PRP4K: variants seen among roughly 807,000 people sequenced by gnomAD.
PRP4K encodes pre-mRNA processing factor kinase PRP4K.
At chr6:4,044,545 T>A in the PRP4K span, among the ~76,000 whole-genome samples, 17 of 152,194 alleles carry the variant, frequency 1.1e-4, no homozygotes, top group Non-Finnish European at 4.4e-5. Context: ...TCATTTGGTG[T>A]CATTATGTGC....
At chr6:4,041,014 A>AGGTGG in the PRP4K span, 4 of 1,325,394 alleles carry the variant, frequency 3.0e-6, no homozygotes, top group Non-Finnish European at 4.1e-6. Context: ...TATCCACCTA[A>AGGTGG]ATATTATAAG....
chr6:4,031,824 T>A, the PRP4K span: 1 of 1,614,038 alleles, frequency 6.2e-7, no homozygotes, highest in Non-Finnish European at 8.5e-7. Context: ...ACTTGATGAT[T>A]TAGCTTTGCT....
chr6:4,032,336 T>C, the PRP4K span: 3 of 1,613,602 alleles, frequency 1.9e-6, no homozygotes, highest in African/African-American at 4.0e-5. Context: ...AATCAAAAGA[T>C]AGGAAAAAAT....
At chr6:4,047,901 TACACAC>T in the PRP4K span, among the ~76,000 whole-genome samples, 9,235 of 141,902 alleles carry the variant, frequency 0.065, 303 homozygotes, top group South Asian at 0.09. Flanking sequence ...CATGTATATG[TACACAC>T]ACACACACAC....
At chr6:4,039,155 T>G in the PRP4K span, among the ~76,000 whole-genome samples, 3 of 152,242 alleles carry the variant, frequency 2.0e-5, no homozygotes, top group Non-Finnish European at 4.4e-5. Flanking sequence ...CTCACACAGC[T>G]GGATCCTTCA....
At chr6:4,047,939 CACACACAG>C in the PRP4K span, among the ~76,000 whole-genome samples, 2 of 141,396 alleles carry the variant, frequency 1.4e-5, no homozygotes, top group South Asian at 2.2e-4. Context: ...CACACACACA[CACACACAG>C]AGCAATAGGA....
At chr6:4,040,343 C>T in the PRP4K span, among the ~76,000 whole-genome samples, 4 of 152,140 alleles carry the variant, frequency 2.6e-5, no homozygotes, top group African/African-American at 9.7e-5. Flanking sequence ...AGTTAGAGAA[C>T]GTTTTCATCA....
the PRP4K span, chr6:4,052,703 T>A: frequency 3.5e-5 from 53 of 1,518,080 alleles, no homozygotes; most frequent in East Asian, 9.2e-4. Flanking sequence ...TTTCTTTTTT[T>A]AATTTTCTCC....
the PRP4K span, chr6:4,040,633 A>G: frequency 5.6e-6 from 5 of 898,188 alleles, no homozygotes; most frequent in African/African-American, 1.7e-5. Context: ...AAAATAGACT[A>G]TATTTTAGAA....
the PRP4K span, chr6:4,037,636 T>C: frequency 6.8e-7 from 1 of 1,461,110 alleles, no homozygotes; most frequent in East Asian, 2.4e-5. Flanking sequence ...GTGAGCTCAC[T>C]TGGTAGGTTT....
the PRP4K span, among the ~76,000 whole-genome samples, chr6:4,039,609 T>A: frequency 6.6e-6 from 1 of 152,146 alleles, no homozygotes; most frequent in Admixed American, 6.5e-5. Flanking sequence ...CCTCACACCA[T>A]CTTGCAGAGG....
chr6:4,026,598 C>T, the PRP4K span, among the ~76,000 whole-genome samples: 14 of 152,224 alleles, frequency 9.2e-5, 1 homozygote, highest in African/African-American at 3.1e-4. Flanking sequence ...CCACCGTGCC[C>T]GGCCTTATGT....
chr6:4,024,749 C>T, the PRP4K span, among the ~76,000 whole-genome samples: 1 of 152,160 alleles, frequency 6.6e-6, no homozygotes, highest in South Asian at 2.1e-4. Flanking sequence ...ATTACAGGCA[C>T]GCACCACCAT....
the PRP4K span, chr6:4,060,304 A>G: frequency 1.1e-6 from 1 of 938,010 alleles, no homozygotes; most frequent in Non-Finnish European, 1.6e-6. This position sits in a 1 kb window ranked among gnomAD's most constrained non-coding sequence, Gnocchi z 4.7. Context: ...TATATTTTGT[A>G]TGTATATGCA....
the PRP4K span, among the ~76,000 whole-genome samples, chr6:4,024,128 G>A: frequency 4.6e-5 from 7 of 152,188 alleles, no homozygotes; most frequent in East Asian, 9.6e-4. Context: ...GACTCCCAAA[G>A]TTCTGGGATT....
At chr6:4,040,212 T>C in the PRP4K span, among the ~76,000 whole-genome samples, 1 of 151,944 alleles carries the variant, frequency 6.6e-6, no homozygotes, top group Admixed American at 6.6e-5. Context: ...ACTCATTTAC[T>C]GTCATGTTAG....
the PRP4K span, among the ~76,000 whole-genome samples, chr6:4,035,104 T>G: frequency 6.6e-6 from 1 of 151,494 alleles, no homozygotes; most frequent in African/African-American, 2.4e-5. Flanking sequence ...TATATGTGTG[T>G]TGTTTTTGTT....
At chr6:4,044,110 A>G in the PRP4K span, 992,746 of 1,269,010 alleles carry the variant, frequency 0.78, 388,692 homozygotes, top group African/African-American at 0.81. Flanking sequence ...GGGTGGGATT[A>G]GGAAAAGTAA....
the PRP4K span, chr6:4,040,824 G>A: frequency 8.2e-5 from 133 of 1,613,882 alleles, 3 homozygotes; most frequent in South Asian, 7.7e-4. Context: ...TCGATCACGC[G>A]GTGGTCGTAG....
Sources: allele counts gnomAD v4.1 joint callset (sites outside exome capture counted in the v4.1 genomes callset), GRCh38; gene constraint gnomAD v4.1.1; non-coding constraint Gnocchi (gnomAD v3.1); transcripts MANE v1.5; gene names NCBI Gene and HGNC (gene_info 2026-07-23, HGNC 2026-07-21).